TAFA4: variants seen among roughly 807,000 people sequenced by gnomAD.
TAFA4 encodes the protein chemokine-like protein TAFA-4.
TAFA4 carries 20 observed loss-of-function variants against 21.1 expected under a neutral mutation model. The observed-to-expected ratio is 0.95, with a 90% CI of 0.67 to 1.38. TAFA4 has a LOEUF of 1.38. Ranked by LOEUF, TAFA4 falls within the 40% of genes most tolerant of loss-of-function variation. The pLI is 0.00. For missense variants in TAFA4, 211 were observed against 180.9 expected (o/e 1.17, Z -0.95); for synonymous variants, 71 against 67.4 (o/e 1.05, Z -0.26).
At chr3:68,835,767 A>G (rs1427069540) in intron 3 of TAFA4, among the ~76,000 whole-genome samples, 1 of 152,214 alleles carries the variant, frequency 6.6e-6, no homozygotes, top group Non-Finnish European at 1.5e-5. Context: ...AGACTCCTCA[A>G]ATGAGTCTTT....
chr3:68,806,053 A>G (rs988487719), intron 3 of TAFA4, among the ~76,000 whole-genome samples: 5 of 152,176 alleles, frequency 3.3e-5, no homozygotes, highest in Non-Finnish European at 7.3e-5. Context: ...CAACAATTTG[A>G]GTACAAAAGG....
At chr3:68,786,027 G>A (rs1169691837) in intron 3 of TAFA4, among the ~76,000 whole-genome samples, 4 of 152,182 alleles carry the variant, frequency 2.6e-5, no homozygotes, top group African/African-American at 9.7e-5. Context: ...ATCAATAGGG[G>A]ACTGGTTAAA....
At chr3:68,845,968 T>C (rs1704780570) in intron 3 of TAFA4, among the ~76,000 whole-genome samples, 1 of 152,194 alleles carries the variant, frequency 6.6e-6, no homozygotes, top group South Asian at 2.1e-4. Context: ...CATTTCAACC[T>C]TGGTCAATCT....
chr3:68,885,058 A>G (rs1459177255), intron 2 of TAFA4, 117 bp downstream of exon 2: 2 of 945,196 alleles, frequency 2.1e-6, no homozygotes, highest in Non-Finnish European at 3.2e-6. Context: ...CCAAATTCCC[A>G]AAAAGTGTAA....
chr3:68,753,880 G>A (rs960132388), intron 3 of TAFA4, among the ~76,000 whole-genome samples: 1 of 152,234 alleles, frequency 6.6e-6, no homozygotes, highest in Non-Finnish European at 1.5e-5. Flanking sequence ...AATGCAGTCT[G>A]CTGCTACCTT....
Position 68,817,953 on chromosome 3 carries a change from AAG to A in TAFA4, c.130+62775_130+62776del, listed in dbSNP as rs1425166863. Among the ~76,000 whole-genome samples, 3 of 152,226 alleles carry A rather than the reference AAG, an allele frequency of 2.0e-5. No individual in the cohort carries two copies. The South Asian group carries it at 6.2e-4, about 32-fold the overall frequency. On this transcript the variant is annotated intron_variant, in intron 3 of 5. Transcript: ENST00000295569. ...TAAAGTCACCTGCATTTCCTCTAAC[AAG>A]AGAGTCAGCCTGTTCTTTGAAGCTT...
intron 1 of TAFA4, among the ~76,000 whole-genome samples, chr3:68,929,434 A>G (rs754214977): frequency 2.0e-5 from 3 of 152,156 alleles, no homozygotes; most frequent in Non-Finnish European, 4.4e-5. Flanking sequence ...GGATAAATAT[A>G]CTGTATGGCC....
At chr3:68,775,925 A>C (rs112118385) in intron 3 of TAFA4, among the ~76,000 whole-genome samples, 2,094 of 152,268 alleles carry the variant, frequency 0.014, 52 homozygotes, top group African/African-American at 0.048. Context: ...ACAAGAAAGC[A>C]AGAAAAAATG....
At chr3:68,924,484 A>T (rs1462560368) in intron 1 of TAFA4, among the ~76,000 whole-genome samples, 1 of 152,232 alleles carries the variant, frequency 6.6e-6, no homozygotes, top group African/African-American at 2.4e-5. Flanking sequence ...GAAGGGGGAA[A>T]TGGGAAATTC....
intron 3 of TAFA4, among the ~76,000 whole-genome samples, chr3:68,863,485 G>A (rs2089377455): frequency 6.6e-6 from 1 of 152,094 alleles, no homozygotes; most frequent in Non-Finnish European, 1.5e-5. Context: ...ATCCCAAGAT[G>A]GACATGAGGA....
At chr3:68,852,611 C>A (rs987071317) in intron 3 of TAFA4, among the ~76,000 whole-genome samples, 2 of 152,106 alleles carry the variant, frequency 1.3e-5, no homozygotes, top group African/African-American at 2.4e-5. Context: ...ATTTACCAGG[C>A]CTCCCAAAAC....
intron 4 of TAFA4, 66 bp downstream of exon 4, chr3:68,752,793 AAAGT>A: frequency 6.2e-7 from 1 of 1,601,120 alleles, no homozygotes; most frequent in South Asian, 1.1e-5. Flanking sequence ...CAAAGACAGT[AAAGT>A]AGGGAAATTC....
At chr3:68,928,405 GA>G (rs888671811) in intron 1 of TAFA4, among the ~76,000 whole-genome samples, 3 of 152,182 alleles carry the variant, frequency 2.0e-5, no homozygotes, top group African/African-American at 7.2e-5. Context: ...CACTAAGTAT[GA>G]AAGGGCAGCC....
At chr3:68,890,530 C>T (rs763079931) in intron 1 of TAFA4, among the ~76,000 whole-genome samples, 31 of 152,152 alleles carry the variant, frequency 2.0e-4, no homozygotes, top group East Asian at 5.8e-4. Flanking sequence ...ACTGACATAG[C>T]GCCTGCTAGG....
At chr3:68,782,299 C>A (rs1441575477) in intron 3 of TAFA4, among the ~76,000 whole-genome samples, 2 of 152,096 alleles carry the variant, frequency 1.3e-5, no homozygotes, top group Non-Finnish European at 1.5e-5. Flanking sequence ...CAATGAGATA[C>A]CACTTCACAC....
At chr3:68,863,378 C>A (rs2089375853) in intron 3 of TAFA4, among the ~76,000 whole-genome samples, 1 of 152,058 alleles carries the variant, frequency 6.6e-6, no homozygotes, top group Non-Finnish European at 1.5e-5. Context: ...CCTTTTAAGT[C>A]TATTTGTATT....
intron 3 of TAFA4, among the ~76,000 whole-genome samples, chr3:68,863,683 T>C (rs1190531703): frequency 2.0e-5 from 3 of 152,310 alleles, no homozygotes; most frequent in Middle Eastern, 3.4e-3. Context: ...TTCTTATTAT[T>C]CAGAGCTGCA....
At chr3:68,796,353 T>C (rs1703453664) in intron 3 of TAFA4, among the ~76,000 whole-genome samples, 1 of 152,172 alleles carries the variant, frequency 6.6e-6, no homozygotes. Flanking sequence ...ACAATATCTC[T>C]CCACTTTTAA....
chr3:68,888,576 C>T (rs1390138533), intron 1 of TAFA4, among the ~76,000 whole-genome samples: 2 of 152,072 alleles, frequency 1.3e-5, no homozygotes, highest in African/African-American at 4.8e-5. Context: ...CTGTTTTCTG[C>T]TGCTGTAACA....
Sources: allele counts gnomAD v4.1 joint callset (sites outside exome capture counted in the v4.1 genomes callset), GRCh38; gene constraint gnomAD v4.1.1; transcripts MANE v1.5; gene names NCBI Gene and HGNC (gene_info 2026-07-23, HGNC 2026-07-21).